Variants in DACH1 observed in about 807,000 individuals in gnomAD.
DACH1 encodes dachshund homolog 1.
Under a neutral mutation model 54.2 loss-of-function variants are expected in DACH1, and 12 were observed. That is an observed-to-expected ratio of 0.22 (90% confidence interval 0.14 to 0.36). DACH1 has a LOEUF of 0.36. Among genes scored for constraint, DACH1 ranks in the 10% least tolerant of loss-of-function variants. DACH1 has a pLI of 1.00. For missense variants in DACH1, 805 were observed against 929.8 expected (o/e 0.87, Z 1.75); for synonymous variants, 386 against 366.2 (o/e 1.05, Z -0.62).
chr13:71,452,888 GAAAT>G (rs1875199526), intron 10 of DACH1, among the ~76,000 whole-genome samples: 1 of 152,116 alleles, frequency 6.6e-6, no homozygotes, highest in African/African-American at 2.4e-5. Flanking sequence ...GACTCTATTT[GAAAT>G]AAATATTAAG....
chr13:71,539,711 A>G (rs571971390), intron 6 of DACH1, among the ~76,000 whole-genome samples: 10 of 152,180 alleles, frequency 6.6e-5, no homozygotes, highest in African/African-American at 2.2e-4. Flanking sequence ...AAAATAGAGA[A>G]AGTAAATTAC....
chr13:71,825,111 A>G (rs1051632177), intron 1 of DACH1, among the ~76,000 whole-genome samples: 11 of 152,112 alleles, frequency 7.2e-5, no homozygotes, highest in African/African-American at 2.7e-4. Context: ...AGGTTTAAAC[A>G]TATTTCAAAC....
chr13:71,620,758 G>A (rs1209488990), intron 3 of DACH1, among the ~76,000 whole-genome samples: 1 of 151,866 alleles, frequency 6.6e-6, no homozygotes, highest in Non-Finnish European at 1.5e-5. Flanking sequence ...TGTTTTATGA[G>A]GATGATGATG....
Position 71,526,647 on chromosome 13 carries a change from A to G in DACH1, c.1570+30377T>C, listed in dbSNP as rs988548040. ...AGGTTTGATTATGACTTAGTTTTAA[A>G]TGCAATCATTTTGAAGTAAGAATTG... On this transcript the variant is annotated intron_variant, in intron 6 of 10. Transcript: ENST00000613252. Among the ~76,000 whole-genome samples the G allele has an allele frequency of 2.0e-5, 3 of 151,800 alleles. No individual in the cohort carries two copies. The East Asian group carries it at 5.8e-4, about 29-fold the overall frequency.
At chr13:71,544,320 T>C (rs181358799) in intron 6 of DACH1, among the ~76,000 whole-genome samples, 7 of 152,274 alleles carry the variant, frequency 4.6e-5, no homozygotes, top group Admixed American at 3.3e-4. Context: ...AACTCCTATA[T>C]ATGGGTTTAG....
intron 6 of DACH1, among the ~76,000 whole-genome samples, chr13:71,527,252 A>C (rs1010465366): frequency 6.6e-6 from 1 of 151,960 alleles, no homozygotes; most frequent in Non-Finnish European, 1.5e-5. Flanking sequence ...CTAATTTATA[A>C]AAAGAGGTTA....
Position 71,822,889 on chromosome 13 carries a change from C to A in DACH1, c.848+43033G>T, listed in dbSNP as rs531804057. On this transcript the variant is annotated intron_variant, in intron 1 of 10. Transcript: ENST00000613252. The stretch of plus-strand genomic sequence containing the variant: ...AACAGTTCTCCACAATGAAAAAAAT[C>A]ATAATCTGAAAATAACGTATTATTA... Among the ~76,000 whole-genome samples, 6 of 152,090 alleles carry A rather than the reference C, an allele frequency of 3.9e-5. No homozygotes were observed. In the East Asian group the frequency reaches 1.2e-3, roughly 29 times the overall value.
At chr13:71,858,376 C>T (rs1566546573) in intron 1 of DACH1, among the ~76,000 whole-genome samples, 2 of 151,592 alleles carry the variant, frequency 1.3e-5, no homozygotes, top group South Asian at 2.1e-4. Context: ...GCTAAGGAAA[C>T]AAAAACATTT....
intron 10 of DACH1, among the ~76,000 whole-genome samples, chr13:71,471,863 T>C (rs1305281874): frequency 6.6e-6 from 1 of 152,152 alleles, no homozygotes; most frequent in African/African-American, 2.4e-5. Flanking sequence ...AGCCATCATG[T>C]TATAGATTTG....
At chr13:71,551,042 T>C (rs936594610) in intron 6 of DACH1, among the ~76,000 whole-genome samples, 1 of 152,108 alleles carries the variant, frequency 6.6e-6, no homozygotes, top group Non-Finnish European at 1.5e-5. Context: ...GTCTATGCAA[T>C]TCTATATAGA....
At chr13:71,786,977 A>C (rs1169466961) in intron 1 of DACH1, among the ~76,000 whole-genome samples, 2 of 152,190 alleles carry the variant, frequency 1.3e-5, no homozygotes, top group Admixed American at 1.3e-4. Flanking sequence ...GGCACTCCTT[A>C]GCCAGCCACT....
intron 1 of DACH1, among the ~76,000 whole-genome samples, chr13:71,715,148 C>G (rs1050783184): frequency 2.0e-5 from 3 of 152,062 alleles, no homozygotes; most frequent in African/African-American, 7.2e-5. Flanking sequence ...ATCCATGTAT[C>G]TCCGACTTCA....
intron 1 of DACH1, among the ~76,000 whole-genome samples, chr13:71,779,871 T>A (rs1445528839): frequency 6.6e-6 from 1 of 152,108 alleles, no homozygotes; most frequent in East Asian, 1.9e-4. Context: ...CCACAGAGAA[T>A]TATGCAGACT....
rs1001159137 is a variant in DACH1, at chr13:71,865,912, C to G, written c.848+10G>C. 1.9e-6 allele frequency: 3 copies of G among 1,593,956 alleles called. No individual in the cohort carries two copies. Among genetic ancestry groups the G allele is most frequent in the South Asian group, 1.1e-5 (1 of 88,708 alleles). On this transcript the variant is annotated intron_variant, in intron 1 of 10. Coordinates refer to ENST00000613252, the MANE Select transcript of DACH1 (RefSeq NM_080759.6). ...GGCGCGGGCGGCGGGGGCTATCCCC[C>G]CCGACTCACCTTGCGTTGGTGCAGT...
chr13:71,671,101 TTAAAA>T (rs1351048456), intron 2 of DACH1, among the ~76,000 whole-genome samples: 2 of 152,110 alleles, frequency 1.3e-5, no homozygotes, highest in African/African-American at 4.8e-5. Flanking sequence ...TGTTTACTGT[TTAAAA>T]TAATACAGCA....
intron 3 of DACH1, among the ~76,000 whole-genome samples, chr13:71,601,231 A>G (rs1330092247): frequency 6.6e-6 from 1 of 152,030 alleles, no homozygotes; most frequent in Admixed American, 6.6e-5. Context: ...AGCAAGCTGG[A>G]CAAGAACATC....
intron 1 of DACH1, among the ~76,000 whole-genome samples, chr13:71,748,176 A>G (rs536007230): frequency 4.0e-5 from 6 of 149,582 alleles, no homozygotes; most frequent in African/African-American, 1.5e-4. Flanking sequence ...TGGGATCTGA[A>G]AAAAAAAAAA....
chr13:71,786,776 T>C (rs922862951), intron 1 of DACH1, among the ~76,000 whole-genome samples: 1 of 152,140 alleles, frequency 6.6e-6, no homozygotes, highest in African/African-American at 2.4e-5. Flanking sequence ...ATAAAACTTC[T>C]ATCAGAATTT....
intron 3 of DACH1, among the ~76,000 whole-genome samples, chr13:71,587,086 G>C (rs1342692841): frequency 6.6e-6 from 1 of 152,016 alleles, no homozygotes; most frequent in Non-Finnish European, 1.5e-5. Flanking sequence ...TCTTTCCATA[G>C]TTACAAAATG....
Sources: gnomAD v4.1 joint callset for allele counts (sites outside exome capture counted in the v4.1 genomes callset) on GRCh38, gnomAD v4.1.1 for gene constraint, MANE v1.5 for transcripts, NCBI Gene and HGNC (gene_info 2026-07-23, HGNC 2026-07-21) for gene names.